Variants in DCDC1 observed in about 807,000 individuals in gnomAD.
DCDC1 encodes the protein doublecortin domain containing 1, also known as doublecortin domain-containing protein 1.
Under a neutral mutation model 178.3 loss-of-function variants are expected in DCDC1, and 200 were observed. The ratio of observed to expected loss-of-function variants is 1.12; its 90% confidence interval spans 1.00 to 1.26. The LOEUF (loss-of-function observed/expected upper bound fraction) is 1.26. Ranked by LOEUF, DCDC1 falls within the 50% of genes most tolerant of loss-of-function variation. The pLI is 0.00. For synonymous variants in DCDC1, 690 were observed against 604.8 expected (o/e 1.14, Z -2.07); for missense variants, 1,983 against 1,749.2 (o/e 1.13, Z -2.38).
At chr11:31,212,609 CAAAT>C (rs1454217241) in intron 9 of DCDC1, among the ~76,000 whole-genome samples, 1 of 151,966 alleles carries the variant, frequency 6.6e-6, no homozygotes, top group Non-Finnish European at 1.5e-5. Context: ...ACAGATTTTT[CAAAT>C]GAGATTTTTT....
intron 9 of DCDC1, among the ~76,000 whole-genome samples, chr11:31,164,626 A>C (rs1277163898): frequency 2.0e-5 from 3 of 152,204 alleles, no homozygotes; most frequent in African/African-American, 7.2e-5. Flanking sequence ...ATTTTTTATA[A>C]AGCTGTACAA....
chr11:31,131,369 C>T (rs1393422704), intron 10 of DCDC1, among the ~76,000 whole-genome samples: 1 of 152,076 alleles, frequency 6.6e-6, no homozygotes, highest in Non-Finnish European at 1.5e-5. Flanking sequence ...TCTCGTTATC[C>T]TCCTTTTCTT....
At chr11:31,346,336 C>T (rs533118592) in intron 1 of DCDC1, among the ~76,000 whole-genome samples, 7 of 151,780 alleles carry the variant, frequency 4.6e-5, no homozygotes, top group South Asian at 2.1e-4. Flanking sequence ...TGGTGGCACA[C>T]GCCTGTAATC....
At chr11:31,263,814 T>C (rs1297927802) in intron 8 of DCDC1, among the ~76,000 whole-genome samples, 1 of 152,196 alleles carries the variant, frequency 6.6e-6, no homozygotes, top group East Asian at 1.9e-4. Context: ...TCACTACCCT[T>C]GCAGTTAAAG....
intron 1 of DCDC1, among the ~76,000 whole-genome samples, chr11:31,340,956 T>C (rs1258275367): frequency 6.6e-6 from 1 of 152,092 alleles, no homozygotes; most frequent in East Asian, 1.9e-4. Flanking sequence ...AGAATGAATT[T>C]GGTTTTGGAT....
chr11:31,065,419 T>C (rs1956189035), intron 18 of DCDC1, among the ~76,000 whole-genome samples: 1 of 152,206 alleles, frequency 6.6e-6, no homozygotes, highest in African/African-American at 2.4e-5. Flanking sequence ...AACAATCTTA[T>C]ACATTAATAA....
chr11:31,360,119 A>T (rs973199425), intron 1 of DCDC1, among the ~76,000 whole-genome samples: 1 of 152,222 alleles, frequency 6.6e-6, no homozygotes, highest in African/African-American at 2.4e-5. Flanking sequence ...GACATGGTAG[A>T]AAGTATTCCA....
At chr11:31,053,049 G>A (rs1239293191) in intron 20 of DCDC1, among the ~76,000 whole-genome samples, 3 of 152,058 alleles carry the variant, frequency 2.0e-5, no homozygotes, top group African/African-American at 7.2e-5. Context: ...CAAAAAGCTG[G>A]TTCTTTGAGA....
chr11:31,283,770 T>C (rs750937342), intron 7 of DCDC1, among the ~76,000 whole-genome samples: 20 of 152,146 alleles, frequency 1.3e-4, no homozygotes, highest in Admixed American at 1.3e-3. Context: ...GTTCACCCTA[T>C]GCATAAGCAA....
intron 11 of DCDC1, among the ~76,000 whole-genome samples, chr11:31,121,857 T>C (rs1215206592): frequency 6.6e-6 from 1 of 152,110 alleles, no homozygotes; most frequent in East Asian, 1.9e-4. Flanking sequence ...AAGATTAAAA[T>C]GAACAGAAAA....
At position 31,301,656 on chromosome 11, in the gene DCDC1, G is replaced by T. The variant is rs149837267; in HGVS notation, c.754+3959C>A. 3.3e-5 allele frequency among the ~76,000 whole-genome samples: 5 copies of T among 152,250 alleles called. No homozygotes were observed. In the East Asian group the frequency reaches 9.6e-4, roughly 29 times the overall value. ...ATTATGGACGCAGATATGAGAAAAA[G>T]TGTTATGCTGCTATTTAGAATGTGT... On this transcript the variant is annotated intron_variant, in intron 6 of 38. Coordinates refer to ENST00000684477, the MANE Select transcript of DCDC1 (RefSeq NM_001387274.1).
At chr11:31,119,913 G>A (rs1466365268) in intron 11 of DCDC1, among the ~76,000 whole-genome samples, 1 of 152,116 alleles carries the variant, frequency 6.6e-6, no homozygotes, top group Non-Finnish European at 1.5e-5. Context: ...TGTTCATAGT[G>A]TTGTCATATT....
At chr11:31,182,939 A>G (rs1969002894) in intron 9 of DCDC1, among the ~76,000 whole-genome samples, 1 of 151,710 alleles carries the variant, frequency 6.6e-6, no homozygotes, top group Non-Finnish European at 1.5e-5. Context: ...AAAAAAAAGC[A>G]GGGGTTGCAA....
At chr11:30,905,826 T>C (rs1195879607) in intron 30 of DCDC1, among the ~76,000 whole-genome samples, 2 of 152,198 alleles carry the variant, frequency 1.3e-5, no homozygotes, top group Non-Finnish European at 2.9e-5. Flanking sequence ...CTTCTGTTGA[T>C]GTTTTTTGTA....
intron 15 of DCDC1, among the ~76,000 whole-genome samples, chr11:31,098,706 T>C (rs1442037239): frequency 6.6e-6 from 1 of 152,214 alleles, no homozygotes; most frequent in Non-Finnish European, 1.5e-5. Flanking sequence ...TCTGCCTGAA[T>C]CCATCTTTAA....
intron 20 of DCDC1, among the ~76,000 whole-genome samples, chr11:30,986,454 T>C (rs1339848644): frequency 6.6e-6 from 1 of 151,686 alleles, no homozygotes; most frequent in Non-Finnish European, 1.5e-5. Context: ...TGCCTCAGCC[T>C]CCCAATTAGC....
intron 7 of DCDC1, among the ~76,000 whole-genome samples, chr11:31,268,738 C>A (rs935826953): frequency 2.0e-5 from 3 of 152,142 alleles, no homozygotes; most frequent in Admixed American, 6.5e-5. Context: ...TATATATAAC[C>A]AGTAATGGGA....
At chr11:30,876,659 A>G (rs1220506744) in intron 38 of DCDC1, among the ~76,000 whole-genome samples, 1 of 152,190 alleles carries the variant, frequency 6.6e-6, no homozygotes, top group Non-Finnish European at 1.5e-5. Flanking sequence ...ATTCACATGC[A>G]ACAGTGATGA....
intron 7 of DCDC1, among the ~76,000 whole-genome samples, chr11:31,275,764 A>G (rs528660716): frequency 4.6e-5 from 7 of 152,296 alleles, no homozygotes; most frequent in African/African-American, 1.7e-4. Context: ...TTGGCCTCCC[A>G]AAGAGCCACT....
Sources: gnomAD v4.1 joint callset for allele counts (sites outside exome capture counted in the v4.1 genomes callset) on GRCh38, gnomAD v4.1.1 for gene constraint, MANE v1.5 for transcripts, NCBI Gene and HGNC (gene_info 2026-07-23, HGNC 2026-07-21) for gene names.